PRIMA1: variants seen among roughly 807,000 people sequenced by gnomAD.
PRIMA1 encodes the protein proline rich membrane anchor 1, also known as proline-rich membrane anchor 1.
A neutral mutation model predicts 17.5 loss-of-function variants in PRIMA1; 7 were observed. The observed-to-expected ratio is 0.40, with a 90% CI of 0.23 to 0.75. The LOEUF is 0.75. PRIMA1 is among the 30% of genes least tolerant of loss of function. The pLI, the probability that PRIMA1 is intolerant of heterozygous loss-of-function variation, is 0.37. For synonymous variants in PRIMA1, 97 were observed against 77.9 expected (o/e 1.25, Z -1.29); for missense variants, 200 against 201.8 (o/e 0.99, Z 0.05).
At chr14:93,757,579 G>T (rs2076299262) in intron 3 of PRIMA1, among the ~76,000 whole-genome samples, 1 of 152,244 alleles carries the variant, frequency 6.6e-6, no homozygotes, top group East Asian at 1.9e-4. Context: ...GAGGGAGGGG[G>T]CTTCGCCCAG....
rs779865736 is a variant in PRIMA1, at chr14:93,787,684, C to G, written c.35G>C (p.Cys12Ser). The G allele has an allele frequency of 2.6e-6, 4 of 1,544,416 alleles. No homozygotes were observed. The highest frequency in any genetic ancestry group is 3.5e-6 in the Non-Finnish European group (4 of 1,146,776). Residue 12 changes from cysteine (C) to serine (S), a missense_variant, in exon 2 of 5, where the codon TGC becomes TCC. Cys to Ser is a moderately radical substitution (Grantham distance 112). Coordinates refer to ENST00000393140, the MANE Select transcript of PRIMA1 (RefSeq NM_178013.4). Reference protein sequence around the residue: ...LLRDLVLRRGCCWSSLLLHCA... With the variant: ...LLRDLVLRRGSCWSSLLLHCA... ...GTGCAGCAGCAGCGAGGACCAGCAG[C>G]AGCCACGGCGCAGCACCAAGTCCCG...
chr14:93,749,606 C>T (rs1271898221), intron 3 of PRIMA1, among the ~76,000 whole-genome samples: 1 of 152,028 alleles, frequency 6.6e-6, no homozygotes, highest in Non-Finnish European at 1.5e-5. Context: ...GCTGACTGAA[C>T]GTAATGAGCT....
At chr14:93,723,268 T>C (rs1477440689) in intron 4 of PRIMA1, among the ~76,000 whole-genome samples, 1 of 152,186 alleles carries the variant, frequency 6.6e-6, no homozygotes, top group Non-Finnish European at 1.5e-5. Context: ...TGCTGGTAGC[T>C]GTCCAGGCTG....
chr14:93,777,895 T>C (rs113562341), intron 3 of PRIMA1, among the ~76,000 whole-genome samples: 1,587 of 152,246 alleles, frequency 0.01, 27 homozygotes, highest in African/African-American at 0.036. Context: ...TGTGGATCAT[T>C]AAATACAAAC....
chr14:93,762,443 G>C (rs1337859532), intron 3 of PRIMA1, among the ~76,000 whole-genome samples: 2 of 151,638 alleles, frequency 1.3e-5, no homozygotes, highest in African/African-American at 4.9e-5. Context: ...GCCCACTCCA[G>C]GGAAAAGGGT....
At chr14:93,775,428 C>T (rs1160458078) in intron 3 of PRIMA1, among the ~76,000 whole-genome samples, 1 of 152,214 alleles carries the variant, frequency 6.6e-6, no homozygotes, top group Non-Finnish European at 1.5e-5. Flanking sequence ...CCTGTGCCCT[C>T]TGGGAGACAT....
chr14:93,777,346 T>A (rs996122658), intron 3 of PRIMA1, among the ~76,000 whole-genome samples: 2 of 91,956 alleles, frequency 2.2e-5, no homozygotes, highest in Non-Finnish European at 6.1e-5. Flanking sequence ...CCATTCATTC[T>A]TTTTTTTTGA....
At chr14:93,758,607 A>AG (rs1426933413) in intron 3 of PRIMA1, among the ~76,000 whole-genome samples, 3 of 150,436 alleles carry the variant, frequency 2.0e-5, no homozygotes, top group East Asian at 1.9e-4. Flanking sequence ...AAAAAAAAAA[A>AG]AAAAAGAAAA....
At chr14:93,768,656 T>C (rs1435129497) in intron 3 of PRIMA1, among the ~76,000 whole-genome samples, 2 of 152,160 alleles carry the variant, frequency 1.3e-5, no homozygotes, top group African/African-American at 4.8e-5. Context: ...AATCAATAAG[T>C]AAAGGTTTGT....
chr14:93,742,864 CA>C (rs1198478842), intron 3 of PRIMA1, among the ~76,000 whole-genome samples: 1 of 152,142 alleles, frequency 6.6e-6, no homozygotes, highest in East Asian at 1.9e-4. Context: ...GCCACACAGC[CA>C]GGGGCCTTGC....
At chr14:93,747,999 A>G (rs2076234746) in intron 3 of PRIMA1, among the ~76,000 whole-genome samples, 1 of 127,968 alleles carries the variant, frequency 7.8e-6, no homozygotes, top group Non-Finnish European at 1.7e-5. Context: ...TGAGTGGGAG[A>G]GTGTATATGA....
intron 4 of PRIMA1, among the ~76,000 whole-genome samples, chr14:93,728,424 G>A (rs1374973178): frequency 6.6e-6 from 1 of 152,170 alleles, no homozygotes; most frequent in Non-Finnish European, 1.5e-5. Context: ...GACAGAGCTG[G>A]GATGGAGGCC....
intron 3 of PRIMA1, among the ~76,000 whole-genome samples, chr14:93,774,866 G>T (rs1020550240): frequency 1.3e-5 from 2 of 152,196 alleles, no homozygotes; most frequent in Non-Finnish European, 2.9e-5. Flanking sequence ...AACCCCATGG[G>T]GTGGGTGTGG....
At chr14:93,767,946 G>A (rs976393992) in intron 3 of PRIMA1, among the ~76,000 whole-genome samples, 1 of 152,168 alleles carries the variant, frequency 6.6e-6, no homozygotes, top group Non-Finnish European at 1.5e-5. Flanking sequence ...GTAGGTATGG[G>A]TTTCTTTTAG....
chr14:93,768,493 G>C (rs536399081), intron 3 of PRIMA1, among the ~76,000 whole-genome samples: 25 of 152,258 alleles, frequency 1.6e-4, no homozygotes, highest in African/African-American at 6.0e-4. Context: ...GTGGGCCTGG[G>C]TATCAGGTAT....
At chr14:93,748,039 A>AGTGT (rs1283005810) in intron 3 of PRIMA1, among the ~76,000 whole-genome samples, 1 of 61,468 alleles carries the variant, frequency 1.6e-5, no homozygotes, top group Non-Finnish European at 4.1e-5. Flanking sequence ...TGTGTGTGGG[A>AGTGT]GTGTGTGAGT....
chr14:93,779,435 G>C (rs556857601), intron 2 of PRIMA1, 124 bp from the exon 3 acceptor site: 3 of 788,752 alleles, frequency 3.8e-6, no homozygotes, highest in Non-Finnish European at 5.9e-6. Flanking sequence ...CCAAGACCAA[G>C]GCAGGAAGAA....
At chr14:93,729,233 G>A (rs2076098611) in intron 4 of PRIMA1, among the ~76,000 whole-genome samples, 1 of 152,246 alleles carries the variant, frequency 6.6e-6, no homozygotes, top group Admixed American at 6.5e-5. Context: ...CCAAGGCCAT[G>A]CATCAATGCT....
intron 3 of PRIMA1, among the ~76,000 whole-genome samples, chr14:93,764,013 G>A (rs982808178): frequency 3.3e-5 from 5 of 152,028 alleles, no homozygotes; most frequent in Admixed American, 6.5e-5. Flanking sequence ...AGAAGCATCT[G>A]ATCAGACACT....
Sources: allele counts gnomAD v4.1 joint callset (sites outside exome capture counted in the v4.1 genomes callset), GRCh38; gene constraint gnomAD v4.1.1; transcripts MANE v1.5; gene names NCBI Gene and HGNC (gene_info 2026-07-23, HGNC 2026-07-21).